The following DYSF variants were observed in gnomAD, a reference collection of about 807,000 sequenced individuals.
The protein encoded by DYSF is dysferlin.
Under a neutral mutation model 274.9 loss-of-function variants are expected in DYSF, and 212 were observed. The ratio of observed to expected loss-of-function variants is 0.77; its 90% CI spans 0.69 to 0.86. The LOEUF (loss-of-function observed/expected upper bound fraction) is 0.86, where lower values mean the gene tolerates loss of function less well. DYSF is among the 40% of genes least tolerant of loss of function. The pLI, the probability that DYSF is intolerant of heterozygous loss-of-function variation, is 0.00. For missense variants in DYSF, 2,666 were observed against 2,783.2 expected (o/e 0.96, Z 0.95); for synonymous variants, 1,091 against 1,078.7 (o/e 1.01, Z -0.22).
upstream of DYSF, among the ~76,000 whole-genome samples, chr2:71,462,708 A>G (rs1370059678): frequency 2.0e-5 from 3 of 152,186 alleles, no homozygotes; most frequent in South Asian, 4.1e-4. Context: ...TCCTCCTGAT[A>G]AGTGTCTAGC....
Position 71,517,047 on chromosome 2 carries a change from C to T in DYSF, c.1002+8C>T, listed in dbSNP as rs753577400. On this transcript the variant is annotated splice_region_variant and intron_variant, in intron 10 of 55. Transcript: ENST00000410020. ...CTCCTCGGGGAGTTCCGGGTAATTG[C>T]TTATTTTCTATGAAAGCAGTCAGTT... 2 of 1,613,820 alleles carry T rather than the reference C, an allele frequency of 1.2e-6. No individual in the cohort carries two copies. The highest frequency in any genetic ancestry group is 2.7e-5 in the African/African-American group (2 of 74,932).
intron 32 of DYSF, among the ~76,000 whole-genome samples, chr2:71,595,293 C>T (rs183794484): frequency 9.9e-5 from 15 of 152,260 alleles, no homozygotes; most frequent in Middle Eastern, 3.4e-3. Flanking sequence ...TTTTAATTTG[C>T]GTTGCCTTGA....
chr2:71,626,874 TTTTCTG>T (rs1399033680), intron 41 of DYSF, among the ~76,000 whole-genome samples: 1 of 151,852 alleles, frequency 6.6e-6, no homozygotes, highest in African/African-American at 2.4e-5. Context: ...ACCTTTGAGA[TTTTCTG>T]TTTCTAAGTG....
intron 41 of DYSF, among the ~76,000 whole-genome samples, chr2:71,627,051 G>C (rs1195058882): frequency 6.6e-6 from 1 of 150,886 alleles, no homozygotes; most frequent in East Asian, 1.9e-4. Context: ...ATTCTTGCCA[G>C]AATTTATCAG....
chr2:71,551,512 T>G, intron 18 of DYSF, 95 bp from the exon 19 acceptor site: 2 of 1,090,772 alleles, frequency 1.8e-6, no homozygotes, highest in Non-Finnish European at 2.7e-6. Flanking sequence ...CCTGGGTGCC[T>G]GAGAGATGAG....
At position 71,488,820 on chromosome 2, in the gene DYSF, G is replaced by A. The variant is rs7570941; in HGVS notation, c.239+6850G>A. On this transcript the variant is annotated intron_variant, in intron 3 of 55. Coordinates refer to ENST00000410020, the MANE Select transcript of DYSF (RefSeq NM_001130987.2). Reference sequence around the variant, plus strand: ...GGTGACTCTGTAAAGTGGGCACTGAGGGGCCTCTCACCTGCACTCAGATGC... The same window carrying A: ...GGTGACTCTGTAAAGTGGGCACTGAAGGGCCTCTCACCTGCACTCAGATGC... Among the ~76,000 whole-genome samples, 1,081 of 152,262 alleles carry A rather than the reference G, an allele frequency of 7.1e-3. 10 individuals are homozygous for A. The highest frequency in any genetic ancestry group is 0.024 in the African/African-American group (998 of 41,526).
At chr2:71,541,075 A>G (rs2089886144) in intron 17 of DYSF, among the ~76,000 whole-genome samples, 1 of 152,082 alleles carries the variant, frequency 6.6e-6, no homozygotes, top group Non-Finnish European at 1.5e-5. Flanking sequence ...CTGTTCCTCT[A>G]TTATCTTCAA....
intron 18 of DYSF, 102 bp downstream of exon 18, chr2:71,551,258 A>G: frequency 8.2e-7 from 1 of 1,220,008 alleles, no homozygotes. Flanking sequence ...CTGGGGGCCC[A>G]CGACCTGGCA....
rs376293526 is a variant in DYSF at position 71,513,852 on chromosome 2, C to T, written c.690C>T (p.Pro230=). 128 of 1,614,110 alleles carry T rather than the reference C, an allele frequency of 7.9e-5. No homozygotes were observed. The East Asian group carries it at 9.4e-4, about 12-fold the overall frequency. The stretch of plus-strand genomic sequence containing the variant: ...CTTCACGTCCTCCGCCCCACTACCC[C>T]GGGATCAAAAGAAAGCGAAGTGCGC... ...KLPSRPPPHY[P]GIKRKRSAPT... The change falls in exon 7 of 56, where the codon CCC becomes CCT. Residue 230 remains proline (P), a synonymous_variant. Coordinates refer to ENST00000410020, the MANE Select transcript of DYSF (RefSeq NM_001130987.2).
intron 4 of DYSF, among the ~76,000 whole-genome samples, chr2:71,507,063 G>A (rs564020411): frequency 2.0e-5 from 3 of 152,288 alleles, no homozygotes; most frequent in Admixed American, 6.5e-5. Context: ...TCTCTCTGGA[G>A]AGGGCTGCTC....
chr2:71,559,976 G>T (rs992627667), intron 22 of DYSF, among the ~76,000 whole-genome samples: 1 of 152,230 alleles, frequency 6.6e-6, no homozygotes, highest in African/African-American at 2.4e-5. Context: ...GAGGCAGGCA[G>T]GGACCTTGGG....
At chr2:71,590,505 C>T (rs2093231328) in intron 32 of DYSF, among the ~76,000 whole-genome samples, 1 of 152,176 alleles carries the variant, frequency 6.6e-6, no homozygotes, top group African/African-American at 2.4e-5. Context: ...ACTGTCCCCT[C>T]TTTCCTGAAA....
In DYSF at chr2:71,543,338, G is replaced by C. The variant is rs545240224; in HGVS notation, c.1576+4099G>C. ...CAGAGACACTCCTCACTTCCTAGAG[G>C]GGATGGCGGCCGGGAAGAGACGCTC... On this transcript the variant is annotated intron_variant, in intron 17 of 55. Transcript: ENST00000410020. Among the ~76,000 whole-genome samples, 52 of 151,516 alleles carry C rather than the reference G, an allele frequency of 3.4e-4. 1 individual carries two copies. In the East Asian group the frequency reaches 5.7e-3, roughly 17 times the overall value.
chr2:71,514,518 A>G (rs186262344), intron 7 of DYSF, among the ~76,000 whole-genome samples: 11 of 152,282 alleles, frequency 7.2e-5, no homozygotes, highest in Admixed American at 1.3e-4. Context: ...GAACACTTTG[A>G]CACATTTTTA....
In DYSF at chr2:71,660,610, G is replaced by T. The variant is rs1264089701; in HGVS notation, c.4962G>T (p.Gln1654His). 1 of 1,614,176 alleles carries T rather than the reference G, an allele frequency of 6.2e-7. No individual in the cohort carries two copies. Among genetic ancestry groups the T allele is most frequent in the Non-Finnish European group, 8.5e-7 (1 of 1,180,006 alleles). ...ISIGKKSVSDQDNYIPCTLEP... is the reference protein window; with the variant it reads ...ISIGKKSVSDHDNYIPCTLEP... Reference sequence around the variant, plus strand: ...TAGGGAAGAAATCAGTGAGTGACCAGGATAACTACATCCCCTGCACGCTGG... The same window carrying T: ...TAGGGAAGAAATCAGTGAGTGACCATGATAACTACATCCCCTGCACGCTGG... The change falls in exon 45 of 56, where the codon CAG (glutamine) becomes CAT (histidine). Residue 1654 changes from glutamine (Q) to histidine (H), a missense_variant. Transcript: ENST00000410020.
At chr2:71,502,963 G>T (rs1404720714) in intron 3 of DYSF, among the ~76,000 whole-genome samples, 2 of 152,140 alleles carry the variant, frequency 1.3e-5, no homozygotes, top group Non-Finnish European at 2.9e-5. Context: ...AGGGGTCAAG[G>T]TGGACCTTGG....
intron 16 of DYSF, among the ~76,000 whole-genome samples, chr2:71,537,168 T>C (rs1221603483): frequency 1.3e-5 from 2 of 151,456 alleles, no homozygotes; most frequent in African/African-American, 4.9e-5. Context: ...GTCACTCATC[T>C]GGTGCTGAGA....
chr2:71,635,131 G>A (rs903738144), intron 41 of DYSF, among the ~76,000 whole-genome samples: 7 of 152,176 alleles, frequency 4.6e-5, no homozygotes, highest in African/African-American at 1.4e-4. Context: ...GGTCTGTTCC[G>A]TGTACACTTT....
rs908886242 is a variant in DYSF, at chr2:71,612,323, G to T, written c.4222-318G>T. Among the ~76,000 whole-genome samples the T allele has an allele frequency of 2.6e-5, 4 of 152,188 alleles. No homozygotes were observed. In the East Asian group the frequency reaches 7.7e-4, roughly 29 times the overall value. ...CTTGGGGGGACTGTCTGTAAGAAAT[G>T]TTGAGTCCCGGGCCAACTCCCCTCG... On this transcript the variant is annotated intron_variant, in intron 38 of 55. Transcript: ENST00000410020.
Sources: allele counts gnomAD v4.1 joint callset (sites outside exome capture counted in the v4.1 genomes callset), GRCh38; gene constraint gnomAD v4.1.1; transcripts MANE v1.5; gene names NCBI Gene and HGNC (gene_info 2026-07-23, HGNC 2026-07-21).